The following TRAPPC9 variants were observed in gnomAD, a reference collection of about 807,000 sequenced individuals.
The protein encoded by TRAPPC9 is IKK2 binding protein.
A neutral mutation model predicts 124.0 loss-of-function variants in TRAPPC9; 83 were observed. That is an observed-to-expected ratio of 0.67 (90% CI 0.56 to 0.80). The LOEUF (loss-of-function observed/expected upper bound fraction) is 0.80. Among genes scored for constraint, TRAPPC9 ranks in the 30% least tolerant of loss-of-function variants. The probability of loss-of-function intolerance (pLI) is 0.00; values close to 1 mark genes in which losing one functional copy is unlikely to be tolerated. For synonymous variants in TRAPPC9, 638 were observed against 617.5 expected, an observed-to-expected ratio of 1.03 and a Z score of -0.49; for missense variants, 1,302 against 1,508.3, an observed-to-expected ratio of 0.86 and a Z score of 2.27.
chr8:139,767,890 G>T (rs1820686778), intron 21 of TRAPPC9, among the ~76,000 whole-genome samples: 1 of 152,178 alleles, frequency 6.6e-6, no homozygotes, highest in South Asian at 2.1e-4. Flanking sequence ...TTCATACATG[G>T]CTGATTAGAG....
intron 17 of TRAPPC9, among the ~76,000 whole-genome samples, chr8:140,125,744 G>A: frequency 6.6e-6 from 1 of 151,972 alleles, no homozygotes; most frequent in South Asian, 2.1e-4. Context: ...ACAGGTGCGT[G>A]CCACCACACC....
chr8:139,800,416 G>A (rs1220893160), intron 21 of TRAPPC9, among the ~76,000 whole-genome samples: 1 of 152,250 alleles, frequency 6.6e-6, no homozygotes, highest in East Asian at 1.9e-4. Flanking sequence ...TCCACACTGA[G>A]GGGCCAAGAG....
Position 140,439,166 on chromosome 8 carries a change from G to A in TRAPPC9, c.616C>T (p.Arg206Trp), listed in dbSNP as rs1231002807. Reference protein sequence around the residue: ...HYKKRCQGRMRKHVGDLCLQA... With the variant: ...HYKKRCQGRMWKHVGDLCLQA... ...AGGCACAGGTCCCCCACGTGCTTCC[G>A]CATGCGGCCTTGGCACCGCTTCTTG... The change falls in exon 3 of 23, where the codon CGG becomes TGG. Residue 206 changes from arginine (R) to tryptophan (W), a missense_variant. Transcript: ENST00000438773. 20 of 1,614,154 alleles carry A rather than the reference G, an allele frequency of 1.2e-5. No homozygotes were observed. The highest frequency in any genetic ancestry group is 1.5e-5 in the Non-Finnish European group (18 of 1,180,036).
At chr8:140,072,182 C>T (rs1278995008) in intron 17 of TRAPPC9, among the ~76,000 whole-genome samples, 1 of 152,134 alleles carries the variant, frequency 6.6e-6, no homozygotes, top group Non-Finnish European at 1.5e-5. Context: ...GAATTGTACA[C>T]CAACGAGAGT....
intron 21 of TRAPPC9, among the ~76,000 whole-genome samples, chr8:139,847,550 C>A (rs915740017): frequency 3.4e-5 from 5 of 146,796 alleles, no homozygotes; most frequent in South Asian, 2.2e-4. Flanking sequence ...GGGATGGGCA[C>A]GAGCACCTGT....
chr8:140,114,596 C>T (rs2060844202), intron 17 of TRAPPC9, among the ~76,000 whole-genome samples: 1 of 152,134 alleles, frequency 6.6e-6, no homozygotes, highest in Admixed American at 6.5e-5. Flanking sequence ...CATCCGTCAC[C>T]GATGCAATCA....
intron 15 of TRAPPC9, among the ~76,000 whole-genome samples, chr8:140,269,313 G>A (rs527800243): frequency 2.8e-4 from 42 of 152,000 alleles, no homozygotes; most frequent in African/African-American, 8.7e-4. Context: ...AGACTGAGGC[G>A]GGCAGATCAC....
intron 15 of TRAPPC9, among the ~76,000 whole-genome samples, chr8:140,273,175 C>T (rs555667770): frequency 4.3e-4 from 66 of 152,302 alleles, no homozygotes; most frequent in Non-Finnish European, 8.2e-4. Context: ...TCTCAGTTGC[C>T]GCTCCTGGGT....
intron 17 of TRAPPC9, among the ~76,000 whole-genome samples, chr8:140,202,458 C>A (rs1047988741): frequency 4.6e-5 from 7 of 152,022 alleles, no homozygotes; most frequent in Admixed American, 1.3e-4. Context: ...TTTACCCAGG[C>A]ACTATATTCC....
chr8:139,978,778 G>A lies in TRAPPC9; in HGVS notation c.2810+9948C>T, dbSNP rs556252664. Among the ~76,000 whole-genome samples the A allele has an allele frequency of 5.3e-5, 8 of 152,362 alleles. No individual in the cohort carries two copies. In the South Asian group the frequency reaches 1.7e-3, roughly 32 times the overall value. Reference sequence around the variant, plus strand: ...ACCTTCACGGAAGTTGCCCAGGCCTGAGGCGGGTGTGGCTGGGATTCTCAC... The same window carrying A: ...ACCTTCACGGAAGTTGCCCAGGCCTAAGGCGGGTGTGGCTGGGATTCTCAC... On this transcript the variant is annotated intron_variant, in intron 19 of 22. Coordinates refer to ENST00000438773, the MANE Select transcript of TRAPPC9 (RefSeq NM_001160372.4).
At chr8:140,412,604 A>G (rs1229708650) in intron 5 of TRAPPC9, among the ~76,000 whole-genome samples, 1 of 152,240 alleles carries the variant, frequency 6.6e-6, no homozygotes, top group African/African-American at 2.4e-5. Context: ...ACTCACTGTC[A>G]AATCGCTCAA....
intron 17 of TRAPPC9, among the ~76,000 whole-genome samples, chr8:140,162,430 T>G (rs1252085438): frequency 1.3e-5 from 2 of 152,242 alleles, no homozygotes. Context: ...ATCTGCTGAT[T>G]ACACTGAGTG....
At chr8:139,820,256 C>T (rs1169247926) in intron 21 of TRAPPC9, among the ~76,000 whole-genome samples, 1 of 152,092 alleles carries the variant, frequency 6.6e-6, no homozygotes, top group Non-Finnish European at 1.5e-5. Context: ...TCTCGGCTTA[C>T]TGCAGCCTCT....
chr8:139,776,873 T>C lies in TRAPPC9; in HGVS notation c.3056-44671A>G, dbSNP rs1050840228. Among the ~76,000 whole-genome samples the C allele has an allele frequency of 1.3e-5, 2 of 152,164 alleles. No homozygotes were observed. Among genetic ancestry groups the C allele is most frequent in the African/African-American group, 4.8e-5 (2 of 41,414 alleles). ...TGTGACTTACTATAAAATGACAACATGGTTACTTTCGCCTAAACCACCAAT... is the reference window on the plus strand; with the variant it reads ...TGTGACTTACTATAAAATGACAACACGGTTACTTTCGCCTAAACCACCAAT... On this transcript the variant is annotated intron_variant, in intron 21 of 22. Coordinates refer to ENST00000438773, the MANE Select transcript of TRAPPC9 (RefSeq NM_001160372.4). This position sits in a 1 kb window ranked among gnomAD's most constrained non-coding sequence, Gnocchi z 4.1.
intron 19 of TRAPPC9, chr8:139,931,919 T>G: frequency 5.2e-6 from 1 of 191,002 alleles, no homozygotes; most frequent in Non-Finnish European, 1.1e-5. Flanking sequence ...AAATTCTGTG[T>G]TGAAAATAAA....
chr8:140,131,649 T>C (rs892118404), intron 17 of TRAPPC9, among the ~76,000 whole-genome samples: 7 of 152,258 alleles, frequency 4.6e-5, no homozygotes, highest in African/African-American at 1.7e-4. Flanking sequence ...GCACTGACTT[T>C]TTCTCCCCTC....
At chr8:140,346,833 T>A (rs2067362494) in intron 9 of TRAPPC9, among the ~76,000 whole-genome samples, 1 of 152,256 alleles carries the variant, frequency 6.6e-6, no homozygotes, top group Admixed American at 6.5e-5. Context: ...TGGGGATTTA[T>A]CTCCTGCTTC....
chr8:139,734,339 G>A (rs923606129), intron 21 of TRAPPC9, among the ~76,000 whole-genome samples: 1 of 152,230 alleles, frequency 6.6e-6, no homozygotes, highest in Admixed American at 6.5e-5. Context: ...TCAGTGCGTG[G>A]CTTATGATAA....
At chr8:139,886,362 T>C (rs1362921107) in intron 20 of TRAPPC9, among the ~76,000 whole-genome samples, 2 of 152,240 alleles carry the variant, frequency 1.3e-5, no homozygotes, top group Non-Finnish European at 2.9e-5. Context: ...CACGCGTCAG[T>C]TTCATGCTGG....
Sources: allele counts gnomAD v4.1 joint callset (sites outside exome capture counted in the v4.1 genomes callset), GRCh38; gene constraint gnomAD v4.1.1; non-coding constraint Gnocchi (gnomAD v3.1); transcripts MANE v1.5; gene names NCBI Gene and HGNC (gene_info 2026-07-23, HGNC 2026-07-21).